The following EDIL3 variants were observed in gnomAD, a reference collection of about 807,000 sequenced individuals.
The protein encoded by EDIL3 is EGF like and discoidin domains 3, also known as EGF-like repeat and discoidin I-like domain-containing protein 3.
A neutral mutation model predicts 67.4 loss-of-function variants in EDIL3; 37 were observed. The ratio of observed to expected loss-of-function variants is 0.55; its 90% confidence interval spans 0.42 to 0.72. The LOEUF is 0.72. EDIL3 is among the 30% of genes least tolerant of loss of function. EDIL3 has a pLI of 0.00. For missense variants in EDIL3, 527 were observed against 586.3 expected, an observed-to-expected ratio of 0.90 and a Z score of 1.04; for synonymous variants, 195 against 196.3, an observed-to-expected ratio of 0.99 and a Z score of 0.05.
At chr5:84,347,620 G>A (rs1747262334) in intron 1 of EDIL3, among the ~76,000 whole-genome samples, 1 of 152,166 alleles carries the variant, frequency 6.6e-6, no homozygotes, top group Non-Finnish European at 1.5e-5. Flanking sequence ...TCACATTAAA[G>A]TCTAAAATCT....
intron 1 of EDIL3, among the ~76,000 whole-genome samples, chr5:84,347,265 T>C (rs548942315): frequency 1.3e-5 from 2 of 152,336 alleles, no homozygotes; most frequent in African/African-American, 4.8e-5. Context: ...TTTGTATCTG[T>C]TCTTCCATTG....
chr5:84,160,245 G>A (rs1188697151), intron 4 of EDIL3, among the ~76,000 whole-genome samples: 1 of 152,004 alleles, frequency 6.6e-6, no homozygotes, highest in African/African-American at 2.4e-5. Flanking sequence ...AAACATACAA[G>A]CAAGTTATCT....
intron 2 of EDIL3, among the ~76,000 whole-genome samples, chr5:84,240,778 C>T (rs1034372279): frequency 2.6e-5 from 4 of 152,126 alleles, no homozygotes. Flanking sequence ...CCTTCCTGGT[C>T]TTGCTCCCAA....
At chr5:84,137,217 ACAT>A in intron 5 of EDIL3, 21 bp downstream of exon 5, 4 of 1,550,244 alleles carry the variant, frequency 2.6e-6, no homozygotes, top group Non-Finnish European at 3.5e-6. Flanking sequence ...ACACACACAC[ACAT>A]ACACACACGT....
chr5:84,111,226 A>G (rs1445122184), intron 5 of EDIL3, among the ~76,000 whole-genome samples: 1 of 151,998 alleles, frequency 6.6e-6, no homozygotes, highest in Admixed American at 6.6e-5. Flanking sequence ...CAATTAAACT[A>G]TTTTCTTCAT....
intron 9 of EDIL3, among the ~76,000 whole-genome samples, chr5:84,001,123 T>A (rs1745322830): frequency 6.6e-6 from 1 of 152,134 alleles, no homozygotes; most frequent in South Asian, 2.1e-4. Context: ...CTCAGCTCAC[T>A]GCAACCTCTG....
chr5:84,338,822 T>C (rs1561261984), intron 1 of EDIL3, among the ~76,000 whole-genome samples: 1 of 152,158 alleles, frequency 6.6e-6, no homozygotes, highest in African/African-American at 2.4e-5. Context: ...TATGTGGGCA[T>C]ATGACCTGTG....
At chr5:84,063,629 A>G (rs1368844297) in intron 8 of EDIL3, among the ~76,000 whole-genome samples, 2 of 152,128 alleles carry the variant, frequency 1.3e-5, no homozygotes, top group African/African-American at 4.8e-5. Flanking sequence ...TAGGCAACAC[A>G]AATAAATTTA....
At chr5:84,053,209 C>T (rs1055186736) in intron 9 of EDIL3, among the ~76,000 whole-genome samples, 1 of 152,216 alleles carries the variant, frequency 6.6e-6, no homozygotes, top group African/African-American at 2.4e-5. Context: ...TGAATGACTA[C>T]TGGGTACATA....
At chr5:84,318,894 T>C (rs1414872214) in intron 1 of EDIL3, among the ~76,000 whole-genome samples, 1 of 152,124 alleles carries the variant, frequency 6.6e-6, no homozygotes, top group East Asian at 1.9e-4. Context: ...GAGAAAATTT[T>C]TGTAATCTAT....
intron 6 of EDIL3, among the ~76,000 whole-genome samples, chr5:84,077,140 T>C (rs1274527757): frequency 1.3e-5 from 2 of 152,240 alleles, no homozygotes; most frequent in Admixed American, 6.5e-5. Flanking sequence ...TGATGACTAG[T>C]ATAGTTTGAT....
intron 4 of EDIL3, among the ~76,000 whole-genome samples, chr5:84,150,142 C>A (rs537142757): frequency 6.6e-6 from 1 of 152,090 alleles, no homozygotes; most frequent in Non-Finnish European, 1.5e-5. Flanking sequence ...ATCGTTATTA[C>A]AAAAGACATC....
At chr5:84,308,797 T>C (rs1173225716) in intron 1 of EDIL3, among the ~76,000 whole-genome samples, 1 of 152,182 alleles carries the variant, frequency 6.6e-6, no homozygotes, top group Non-Finnish European at 1.5e-5. Flanking sequence ...TGATACATAT[T>C]TGATTGTAAT....
chr5:84,310,385 T>C (rs1475084947), intron 1 of EDIL3, among the ~76,000 whole-genome samples: 2 of 152,222 alleles, frequency 1.3e-5, no homozygotes, highest in African/African-American at 2.4e-5. Flanking sequence ...CGAGCCCTGC[T>C]GTCATTATGT....
At chr5:84,364,420 CAG>C (rs1218228298) in intron 1 of EDIL3, among the ~76,000 whole-genome samples, 1 of 152,086 alleles carries the variant, frequency 6.6e-6, no homozygotes, top group Non-Finnish European at 1.5e-5. Context: ...GCTACAGATG[CAG>C]AGTTATACAA....
At chr5:84,190,728 C>G (rs1366048734) in intron 3 of EDIL3, among the ~76,000 whole-genome samples, 1 of 151,608 alleles carries the variant, frequency 6.6e-6, no homozygotes, top group Non-Finnish European at 1.5e-5. Context: ...AGCGCTTCAC[C>G]TTTTTCAGGC....
At chr5:84,173,572 G>T (rs1368040676) in intron 4 of EDIL3, among the ~76,000 whole-genome samples, 1 of 152,126 alleles carries the variant, frequency 6.6e-6, no homozygotes, top group East Asian at 1.9e-4. Flanking sequence ...TAGGACAGAA[G>T]GGTAGAGAGT....
At chr5:83,954,131 G>A (rs9293361) in intron 10 of EDIL3, among the ~76,000 whole-genome samples, 84,163 of 151,502 alleles carry the variant, frequency 0.56, 23,433 homozygotes, top group African/African-American at 0.59. Context: ...GCAGCTGATG[G>A]TGTGATGGTG....
chr5:84,219,665 T>G (rs980067029), intron 3 of EDIL3, among the ~76,000 whole-genome samples: 1 of 152,138 alleles, frequency 6.6e-6, no homozygotes, highest in South Asian at 2.1e-4. Context: ...TGCACTCCCA[T>G]GTTTATTGCA....
Sources: gnomAD v4.1 joint callset for allele counts (sites outside exome capture counted in the v4.1 genomes callset) on GRCh38, gnomAD v4.1.1 for gene constraint, MANE v1.5 for transcripts, NCBI Gene and HGNC (gene_info 2026-07-23, HGNC 2026-07-21) for gene names.